Variants in IMPG1 observed in about 807,000 individuals in gnomAD.
IMPG1 encodes interphotoreceptor matrix proteoglycan 1.
IMPG1 carries 85 observed loss-of-function variants against 92.0 expected under a neutral mutation model. The ratio of observed to expected loss-of-function variants is 0.92; its 90% CI spans 0.78 to 1.11. The LOEUF (loss-of-function observed/expected upper bound fraction) is 1.11, where lower values mean the gene tolerates loss of function less well. IMPG1 is among the 50% of genes least tolerant of loss of function. The pLI is 0.00. For missense variants in IMPG1, 1,022 were observed against 956.0 expected (o/e 1.07, Z -0.91); for synonymous variants, 367 against 334.1 (o/e 1.10, Z -1.08).
intron 6 of IMPG1, 61 bp downstream of exon 6, chr6:76,022,055 G>A: frequency 2.2e-6 from 2 of 893,988 alleles, no homozygotes; most frequent in Non-Finnish European, 3.7e-6. Context: ...CTCTTTTCCT[G>A]TTTTGCTAAA....
intron 14 of IMPG1, among the ~76,000 whole-genome samples, chr6:75,943,488 C>T (rs1394268596): frequency 6.6e-6 from 1 of 152,192 alleles, no homozygotes; most frequent in East Asian, 1.9e-4. Flanking sequence ...CATGCTGGCT[C>T]CCCTTTGCCT....
At chr6:76,028,108 A>T (rs1415800800) in intron 4 of IMPG1, among the ~76,000 whole-genome samples, 2 of 152,320 alleles carry the variant, frequency 1.3e-5, no homozygotes, top group African/African-American at 4.8e-5. Flanking sequence ...GGATTTCAAA[A>T]ATTCTAATAT....
At position 76,020,196 on chromosome 6, in the gene IMPG1, G is replaced by A. The variant is rs558394023; in HGVS notation, c.667-1338C>T. 5.3e-5 allele frequency among the ~76,000 whole-genome samples: 8 copies of A among 152,140 alleles called. No homozygotes were observed. The South Asian group carries it at 1.7e-3, about 32-fold the overall frequency. On this transcript the variant is annotated intron_variant, in intron 6 of 16. Coordinates refer to ENST00000369950, the MANE Select transcript of IMPG1 (RefSeq NM_001563.4). ...GCCTCTCAAGTAGCTGGGACTACAG[G>A]CATGGACCACCATGCCCAGGTAATT...
At chr6:76,031,056 C>T (rs1334593351) in intron 4 of IMPG1, among the ~76,000 whole-genome samples, 1 of 152,136 alleles carries the variant, frequency 6.6e-6, no homozygotes, top group Admixed American at 6.5e-5. Flanking sequence ...CAATAAAACC[C>T]TGCCTTACTC....
chr6:75,930,939 C>A lies in IMPG1; in HGVS notation c.2243+14G>T. On this transcript the variant is annotated intron_variant, in intron 15 of 16. Transcript: ENST00000369950. ...TGAGTTCTTGAGTCTGTGACGTTAG[C>A]ATGCTTGACCCACCTGCATGGAGCT... The A allele has an allele frequency of 2.5e-6, 4 of 1,611,754 alleles. No homozygotes were observed. The highest frequency in any genetic ancestry group is 3.4e-6 in the Non-Finnish European group (4 of 1,177,912).
intron 8 of IMPG1, among the ~76,000 whole-genome samples, chr6:76,010,343 C>A (rs2149479484): frequency 6.6e-6 from 1 of 152,294 alleles, no homozygotes; most frequent in Non-Finnish European, 1.5e-5. Context: ...GATATTTACC[C>A]TGTGGCACAT....
chr6:76,051,398 A>G (rs1784040368), intron 1 of IMPG1, among the ~76,000 whole-genome samples: 2 of 152,222 alleles, frequency 1.3e-5, no homozygotes, highest in South Asian at 4.1e-4. Flanking sequence ...TTTTAAGCAT[A>G]CTGTTTTCTA....
At chr6:76,009,962 A>G (rs1056370784) in intron 8 of IMPG1, among the ~76,000 whole-genome samples, 1 of 152,220 alleles carries the variant, frequency 6.6e-6, no homozygotes, top group Non-Finnish European at 1.5e-5. Flanking sequence ...TTTTTCTATC[A>G]ACTTTTATTT....
chr6:76,048,035 G>T (rs1465715587), intron 1 of IMPG1, among the ~76,000 whole-genome samples: 1 of 152,076 alleles, frequency 6.6e-6, no homozygotes. Flanking sequence ...AATAATCAAT[G>T]GGACCAATTA....
chr6:75,926,473 C>T lies in IMPG1; in HGVS notation c.2244-2767G>A, dbSNP rs1020789840. ...GACTTTGCTGCGGTTACAACAAGCA[C>T]TTTGATATGATTAAAACATCCTCAT... On this transcript the variant is annotated intron_variant, in intron 15 of 16. Coordinates refer to ENST00000369950, the MANE Select transcript of IMPG1 (RefSeq NM_001563.4). 1.4e-4 allele frequency among the ~76,000 whole-genome samples: 22 copies of T among 152,180 alleles called. 1 individual carries two copies. Among genetic ancestry groups the T allele is most frequent in the African/African-American group, 3.9e-4 (16 of 41,446 alleles).
intron 1 of IMPG1, among the ~76,000 whole-genome samples, chr6:76,062,619 C>T (rs549630210): frequency 2.4e-4 from 37 of 152,236 alleles, no homozygotes; most frequent in Non-Finnish European, 4.6e-4. Flanking sequence ...GCTAAACACC[C>T]AATCGTTATG....
chr6:75,996,720 C>T (rs1360292476), intron 12 of IMPG1, among the ~76,000 whole-genome samples: 1 of 152,172 alleles, frequency 6.6e-6, no homozygotes, highest in African/African-American at 2.4e-5. Flanking sequence ...GACAGGACAG[C>T]TATGTAATAA....
intron 13 of IMPG1, among the ~76,000 whole-genome samples, chr6:75,950,321 G>A (rs1020768233): frequency 6.6e-6 from 1 of 152,124 alleles, no homozygotes; most frequent in Non-Finnish European, 1.5e-5. Flanking sequence ...AAGAGTTTAA[G>A]AACAAATTTG....
chr6:76,068,634 A>G (rs1178851130), intron 1 of IMPG1, among the ~76,000 whole-genome samples: 6 of 148,170 alleles, frequency 4.0e-5, no homozygotes, highest in Non-Finnish European at 1.5e-5. Context: ...TTCCTGCCTC[A>G]GCCTCCCAAG....
At position 75,921,852 on chromosome 6, in the gene IMPG1, T is replaced by G; in HGVS notation, c.*237A>C. ...GACTATCATCCAAGAATAGTAAAAA[T>G]ATGTTTCGCTGATTGCATTTGGGGT... On this transcript the variant is annotated 3_prime_UTR_variant, in exon 17 of 17. Coordinates refer to ENST00000369950, the MANE Select transcript of IMPG1 (RefSeq NM_001563.4). The G allele has an allele frequency of 2.9e-6, 1 of 343,428 alleles. No homozygotes were observed. Among genetic ancestry groups the G allele is most frequent in the Non-Finnish European group, 5.3e-6 (1 of 189,086 alleles). 21.3% of individuals were successfully genotyped at this position (343,428 alleles called of 1,614,324 possible).
At chr6:75,936,516 T>G (rs74393634) in intron 14 of IMPG1, among the ~76,000 whole-genome samples, 50 of 152,326 alleles carry the variant, frequency 3.3e-4, no homozygotes, top group African/African-American at 1.2e-3. Context: ...TTTGTGGAAT[T>G]AAGTTAACAA....
chr6:75,977,978 T>G (rs1330845198), intron 12 of IMPG1, among the ~76,000 whole-genome samples: 2 of 152,094 alleles, frequency 1.3e-5, no homozygotes, highest in Non-Finnish European at 2.9e-5. Context: ...TGAAGTGCAG[T>G]CAGTGACACA....
In IMPG1 at chr6:76,005,222, A is replaced by G. The variant is rs147805849; in HGVS notation, c.1135+65T>C. The stretch of plus-strand genomic sequence containing the variant: ...AAGTTAAAATGACAGTTTCCATGAG[A>G]CATTCACATTCTTAGTCTCTGCCAA... On this transcript the variant is annotated intron_variant, in intron 10 of 16. Coordinates refer to ENST00000369950, the MANE Select transcript of IMPG1 (RefSeq NM_001563.4). 3.6e-4 allele frequency: 538 copies of G among 1,505,036 alleles called. 3 individuals are homozygous for G. The African/African-American group carries it at 6.8e-3, about 19-fold the overall frequency. The allele number at this position is 1,505,036 out of a possible 1,614,324, so 93.2% of individuals were successfully genotyped here.
intron 7 of IMPG1, among the ~76,000 whole-genome samples, chr6:76,018,093 T>C (rs1783325248): frequency 6.6e-6 from 1 of 152,246 alleles, no homozygotes; most frequent in South Asian, 2.1e-4. Flanking sequence ...TGGTCCCTTT[T>C]TATCCTTGGT....
Sources: gnomAD v4.1 joint callset for allele counts (sites outside exome capture counted in the v4.1 genomes callset) on GRCh38, gnomAD v4.1.1 for gene constraint, MANE v1.5 for transcripts, NCBI Gene and HGNC (gene_info 2026-07-23, HGNC 2026-07-21) for gene names.